The following OIT3 variants were observed in gnomAD, a reference collection of about 807,000 sequenced individuals.
The protein encoded by OIT3 is oncoprotein-induced transcript 3 protein.
In OIT3, 41 loss-of-function variants were observed where a neutral mutation model predicts 52.2. That is an observed-to-expected ratio of 0.79 (90% CI 0.61 to 1.02). The LOEUF is 1.02. OIT3 is among the 50% of genes least tolerant of loss of function. The probability of loss-of-function intolerance (pLI) is 0.00; values close to 1 mark genes in which losing one functional copy is unlikely to be tolerated. For synonymous variants in OIT3, 244 were observed against 276.9 expected (o/e 0.88, Z 1.18); for missense variants, 634 against 715.5 (o/e 0.89, Z 1.30).
chr10:72,924,537 T>G lies in OIT3; in HGVS notation c.1260T>G (p.Ile420Met). 6.2e-7 allele frequency: 1 copy of G among 1,614,138 alleles called. No individual in the cohort carries two copies. Among genetic ancestry groups the G allele is most frequent in the African/African-American group, 1.3e-5 (1 of 75,050 alleles). ...LKLRDSLYFG[I>M]EPVVHVSGLE... Reference sequence around the variant, plus strand: ...TTCGTGACTCCCTCTACTTTGGCATTGAGCCCGTGGTGCACGTGAGCGGCT... The same window carrying G: ...TTCGTGACTCCCTCTACTTTGGCATGGAGCCCGTGGTGCACGTGAGCGGCT... Residue 420 changes from isoleucine (I) to methionine (M), a missense_variant, in exon 7 of 9, where the codon ATT (isoleucine) becomes ATG (methionine). Coordinates refer to ENST00000334011, the MANE Select transcript of OIT3 (RefSeq NM_152635.3).
At chr10:72,899,594 TCAA>T (rs1172222547) in intron 2 of OIT3, among the ~76,000 whole-genome samples, 1 of 108,924 alleles carries the variant, frequency 9.2e-6, no homozygotes, top group African/African-American at 7.1e-5. Flanking sequence ...AGACTCTGAT[TCAA>T]AAAAAAAAAA....
chr10:72,910,294 A>G (rs1439931688), intron 4 of OIT3, among the ~76,000 whole-genome samples: 2 of 152,172 alleles, frequency 1.3e-5, no homozygotes, highest in East Asian at 3.8e-4. Flanking sequence ...GCTTTCTTCT[A>G]TAGTATTATA....
intron 6 of OIT3, among the ~76,000 whole-genome samples, chr10:72,916,237 C>T (rs774748931): frequency 6.6e-6 from 1 of 152,068 alleles, no homozygotes; most frequent in Non-Finnish European, 1.5e-5. Context: ...AAATGTGTGT[C>T]ATGGGGGTTG....
At chr10:72,906,540 T>C (rs1845980319) in intron 3 of OIT3, 56 bp from the exon 4 acceptor site, 1 of 1,604,704 alleles carries the variant, frequency 6.2e-7, no homozygotes. Flanking sequence ...CCCGGGGGGT[T>C]GGGAAAAGGC....
chr10:72,912,463 G>T (rs945842242), intron 5 of OIT3, among the ~76,000 whole-genome samples: 15 of 151,868 alleles, frequency 9.9e-5, no homozygotes, highest in South Asian at 2.1e-4. Flanking sequence ...TAGAGACGGG[G>T]TTTCACCATG....
At chr10:72,905,342 G>T (rs1034388060) in intron 3 of OIT3, among the ~76,000 whole-genome samples, 3 of 152,008 alleles carry the variant, frequency 2.0e-5, no homozygotes, top group Admixed American at 2.0e-4. Flanking sequence ...GTGGTGGTGC[G>T]TGCCTGTAAT....
intron 4 of OIT3, among the ~76,000 whole-genome samples, chr10:72,910,888 G>A (rs992669364): frequency 3.3e-5 from 5 of 152,166 alleles, no homozygotes; most frequent in Non-Finnish European, 5.9e-5. Flanking sequence ...AATGCACATG[G>A]CTATGTGCCA....
At position 72,924,336 on chromosome 10, in the gene OIT3, G is replaced by A. The variant is rs759058508; in HGVS notation, c.1059G>A (p.Pro353=). 3.7e-5 allele frequency: 59 copies of A among 1,613,940 alleles called. No individual in the cohort carries two copies. The East Asian group carries it at 4.9e-4, about 13-fold the overall frequency. The change falls in exon 7 of 9, where the codon CCG becomes CCA. Residue 353 remains proline (P), a synonymous_variant. Coordinates refer to ENST00000334011, the MANE Select transcript of OIT3 (RefSeq NM_152635.3). Reference sequence around the variant, plus strand: ...TCCGAACCAGCAAGCTGCTGATCCCGGTGACCTGCGAGTTTCCACGCCTGT... The same window carrying A: ...TCCGAACCAGCAAGCTGCTGATCCCAGTGACCTGCGAGTTTCCACGCCTGT... ...FIIRTSKLLI[P]VTCEFPRLYT...
At chr10:72,903,607 T>G (rs1845951941) in intron 3 of OIT3, among the ~76,000 whole-genome samples, 1 of 152,218 alleles carries the variant, frequency 6.6e-6, no homozygotes, top group Non-Finnish European at 1.5e-5. Flanking sequence ...TCTCTCAGCC[T>G]CCAGGGGTAA....
chr10:72,919,784 C>T (rs1846106275), intron 6 of OIT3, among the ~76,000 whole-genome samples: 1 of 152,076 alleles, frequency 6.6e-6, no homozygotes, highest in African/African-American at 2.4e-5. Flanking sequence ...AATCTTGCAT[C>T]CTGGGGATGA....
rs1846146894 is a variant in OIT3 at position 72,924,219 on chromosome 10, C to G, written c.952-10C>G. On this transcript the variant is annotated splice_polypyrimidine_tract_variant and intron_variant, in intron 6 of 8. Transcript: ENST00000334011. ...AATCTCTTTCCTCTCCTCACCCTGGCCTGGCTCAGGTGGTGAATGACAAGA... is the reference window on the plus strand; with the variant it reads ...AATCTCTTTCCTCTCCTCACCCTGGGCTGGCTCAGGTGGTGAATGACAAGA... 1.3e-6 allele frequency: 2 copies of G among 1,578,234 alleles called. No individual in the cohort carries two copies. The highest frequency in any genetic ancestry group is 1.7e-6 in the Non-Finnish European group (2 of 1,158,830).
intron 3 of OIT3, among the ~76,000 whole-genome samples, chr10:72,902,061 C>G (rs1194130987): frequency 6.6e-6 from 1 of 151,950 alleles, no homozygotes; most frequent in African/African-American, 2.4e-5. Context: ...CAAAACAAAA[C>G]AAAACATAAA....
At chr10:72,914,100 G>A (rs948700423) in intron 6 of OIT3, among the ~76,000 whole-genome samples, 11 of 152,196 alleles carry the variant, frequency 7.2e-5, no homozygotes, top group Admixed American at 2.6e-4. Flanking sequence ...TGTGTGTGTG[G>A]TTTACACAGC....
chr10:72,914,644 C>T (rs1007031227), intron 6 of OIT3, among the ~76,000 whole-genome samples: 5 of 152,110 alleles, frequency 3.3e-5, no homozygotes, highest in Admixed American at 6.5e-5. Context: ...GAAAACCATC[C>T]GGTAAATGCC....
intron 6 of OIT3, among the ~76,000 whole-genome samples, chr10:72,916,887 T>C (rs1846077711): frequency 6.6e-6 from 1 of 152,234 alleles, no homozygotes; most frequent in African/African-American, 2.4e-5. Flanking sequence ...TGTGAGATGA[T>C]ATCTCATTGT....
At chr10:72,930,946 T>C (rs766773079) in intron 8 of OIT3, among the ~76,000 whole-genome samples, 23 of 152,156 alleles carry the variant, frequency 1.5e-4, no homozygotes, top group Non-Finnish European at 2.4e-4. Context: ...AAAGCCAGTG[T>C]GGTGATTGGT....
chr10:72,894,956 G>A (rs1434957599), intron 1 of OIT3, among the ~76,000 whole-genome samples: 2 of 152,138 alleles, frequency 1.3e-5, no homozygotes, highest in African/African-American at 2.4e-5. Context: ...TAAAGGTAAT[G>A]TGGGATCCTG....
intron 1 of OIT3, among the ~76,000 whole-genome samples, chr10:72,894,733 A>C (rs1436733396): frequency 1.3e-5 from 2 of 151,932 alleles, no homozygotes; most frequent in East Asian, 3.9e-4. Flanking sequence ...CATACACACA[A>C]AAAAATTAGA....
At chr10:72,907,433 C>T (rs966730281) in intron 4 of OIT3, among the ~76,000 whole-genome samples, 1 of 152,080 alleles carries the variant, frequency 6.6e-6, no homozygotes, top group Non-Finnish European at 1.5e-5. Flanking sequence ...GCTGCTGGTC[C>T]AAGGAGCACA....
Sources: gnomAD v4.1 joint callset for allele counts (sites outside exome capture counted in the v4.1 genomes callset) on GRCh38, gnomAD v4.1.1 for gene constraint, MANE v1.5 for transcripts, NCBI Gene and HGNC (gene_info 2026-07-23, HGNC 2026-07-21) for gene names.